Variants in ZNF250 observed in about 807,000 individuals in gnomAD.
ZNF250 encodes zinc finger protein 250.
A neutral mutation model predicts 37.1 loss-of-function variants in ZNF250; 13 were observed. The observed-to-expected ratio is 0.35, with a 90% CI of 0.23 to 0.56. The LOEUF (loss-of-function observed/expected upper bound fraction) is 0.56. ZNF250 is among the 20% of genes least tolerant of loss of function. ZNF250 has a pLI of 0.87. For synonymous variants in ZNF250, 251 were observed against 265.6 expected, an observed-to-expected ratio of 0.94 and a Z score of 0.54; for missense variants, 474 against 697.9, an observed-to-expected ratio of 0.68 and a Z score of 3.61.
At chr8:144,886,334 A>AAC (rs758137665) in intron 5 of ZNF250, among the ~76,000 whole-genome samples, 17 of 151,938 alleles carry the variant, frequency 1.1e-4, no homozygotes, top group African/African-American at 2.9e-4. Flanking sequence ...AAAAAAAGAA[A>AAC]ACACACACAC....
intron 5 of ZNF250, 116 bp downstream of exon 5, chr8:144,886,724 T>C: frequency 1.2e-6 from 1 of 804,752 alleles, no homozygotes; most frequent in Non-Finnish European, 1.9e-6. Flanking sequence ...TTGTAGCAAT[T>C]GTGTGAGTTG....
rs1832369934 is a variant in ZNF250 at position 144,891,946 on chromosome 8, A to G, written c.-54-1543T>C. ...AGGCTAAGGCAGGAGAATCACTTGAACCCAGGATGTGGAGGTTGCAGTGAG... is the reference window on the plus strand; with the variant it reads ...AGGCTAAGGCAGGAGAATCACTTGAGCCCAGGATGTGGAGGTTGCAGTGAG... On this transcript the variant is annotated intron_variant, in intron 1 of 5. Transcript: ENST00000417550. This position sits in a 1 kb window ranked among gnomAD's most constrained non-coding sequence, Gnocchi z 4.0. 6.6e-6 allele frequency among the ~76,000 whole-genome samples: 1 copy of G among 152,168 alleles called. No homozygotes were observed. Among genetic ancestry groups the G allele is most frequent in the South Asian group, 2.1e-4 (1 of 4,830 alleles).
rs1831377349 is a variant in ZNF250, at chr8:144,880,308, A to T, written c.*1207T>A. The T allele has an allele frequency of 2.6e-6, 1 of 387,586 alleles. No individual in the cohort carries two copies. The highest frequency in any genetic ancestry group is 2.1e-5 in the African/African-American group (1 of 48,166). The allele number at this position is 387,586 out of a possible 1,614,324, so 24.0% of individuals were successfully genotyped here. ...ATGTTTTAAATATATCTACCAAAGA[A>T]CAGTATTTTCAGCATTGTTTTGGGG... On this transcript the variant is annotated 3_prime_UTR_variant, in exon 6 of 6. Coordinates refer to ENST00000417550, the MANE Select transcript of ZNF250 (RefSeq NM_001109689.4).
At chr8:144,883,264 G>A (rs1187228170) in intron 5 of ZNF250, among the ~76,000 whole-genome samples, 1 of 152,222 alleles carries the variant, frequency 6.6e-6, no homozygotes, top group Non-Finnish European at 1.5e-5. Flanking sequence ...GCAAGTCGGG[G>A]TGTGCCATCT....
chr8:144,882,242 G>C lies in ZNF250; in HGVS notation c.941C>G (p.Ala314Gly). Reference sequence around the variant, plus strand: ...CCGCAGAACAGTGCTATGGTTGAAGGCTTTCCCACACAACGGACACACATA... The same window carrying C: ...CCGCAGAACAGTGCTATGGTTGAAGCCTTTCCCACACAACGGACACACATA... ...RPYVCPLCGK[A>G]FNHSTVLRSH... is the part of the protein sequence containing the mutation. Residue 314 changes from alanine (A) to glycine (G), a missense_variant, in exon 6 of 6, where the codon GCC (alanine) becomes GGC (glycine). By Grantham distance (60) the Ala-to-Gly change is moderately conservative. Transcript: ENST00000417550. The surrounding 1 kb of genome is among the most constrained non-coding windows in gnomAD (Gnocchi z 5.5). The C allele has an allele frequency of 1.9e-6, 3 of 1,614,112 alleles. No homozygotes were observed. Among genetic ancestry groups the C allele is most frequent in the Non-Finnish European group, 1.7e-6 (2 of 1,179,998 alleles).
rs772771273 is a variant in ZNF250, at chr8:144,882,010, C to G, written c.1173G>C (p.Glu391Asp). The change falls in exon 6 of 6, where the codon GAG (glutamate) becomes GAC (aspartate). Residue 391 changes from glutamate (E) to aspartate (D), a missense_variant. Transcript: ENST00000417550. The surrounding 1 kb of genome is among the most constrained non-coding windows in gnomAD (Gnocchi z 5.5). ...TGAAGGTCTTCCCACACTCACTGCA[C>G]TCATAGGGCTTCTCCCCGGTGTGCA... ...HNVHTGEKPY[E>D]CSECGKTFSH... The G allele has an allele frequency of 6.2e-7, 1 of 1,614,114 alleles. No individual in the cohort carries two copies.
In ZNF250 at chr8:144,890,414, G is replaced by C. The variant is rs1007201279; in HGVS notation, c.-54-11C>G. On this transcript the variant is annotated splice_polypyrimidine_tract_variant and intron_variant, in intron 1 of 5. Coordinates refer to ENST00000417550, the MANE Select transcript of ZNF250 (RefSeq NM_001109689.4). The surrounding 1 kb of genome is among the most constrained non-coding windows in gnomAD (Gnocchi z 5.1). Reference sequence around the variant, plus strand: ...AAGGAGCCTATGGGGCTGAGGAAGAGGAGGGGGCAAGTGAGGGGCATGGCC... The same window carrying C: ...AAGGAGCCTATGGGGCTGAGGAAGACGAGGGGGCAAGTGAGGGGCATGGCC... The C allele has an allele frequency of 2.1e-6, 3 of 1,408,884 alleles. No homozygotes were observed. The highest frequency in any genetic ancestry group is 2.8e-6 in the Non-Finnish European group (3 of 1,073,724). 87.3% of individuals were successfully genotyped at this position (1,408,884 alleles called of 1,614,324 possible).
chr8:144,889,613 T>C lies in ZNF250; in HGVS notation c.251A>G (p.Lys84Arg). ...DPWVLDRKGA[K>R]KSQGLWSDYS... Reference sequence around the variant, plus strand: ...GTCACTCCACAGGCCCTGGCTCTTCTTAGCCCCCTTCCTGTCCAGGACCCA... The same window carrying C: ...GTCACTCCACAGGCCCTGGCTCTTCCTAGCCCCCTTCCTGTCCAGGACCCA... Residue 84 changes from lysine (K) to arginine (R), a missense_variant, in exon 4 of 6, where the codon AAG (lysine) becomes AGG (arginine). Lys to Arg is a conservative substitution (Grantham distance 26, BLOSUM62 2). Around this residue, in one of 2 missense-constraint regions of ZNF250, gnomAD observed 192 missense variants for 227.5 expected, o/e 0.84. Transcript: ENST00000417550. The C allele has an allele frequency of 6.2e-7, 1 of 1,613,982 alleles. No individual in the cohort carries two copies.
At chr8:144,901,771 A>G, upstream of ZNF250, 1 of 152,600 alleles carries the variant, frequency 6.6e-6, no homozygotes, top group Non-Finnish European at 1.5e-5. The surrounding 1 kb of genome is among the most constrained non-coding windows in gnomAD (Gnocchi z 5.4). Flanking sequence ...CCGGTTCCCG[A>G]GCTCCTGCCG....
chr8:144,891,430 A>G lies in ZNF250; in HGVS notation c.-54-1027T>C, dbSNP rs530412688. Among the ~76,000 whole-genome samples the G allele has an allele frequency of 1.7e-4, 26 of 152,270 alleles. No homozygotes were observed. Among genetic ancestry groups the G allele is most frequent in the Admixed American group, 9.2e-4 (14 of 15,280 alleles). On this transcript the variant is annotated intron_variant, in intron 1 of 5. Transcript: ENST00000417550. The surrounding 1 kb of genome is among the most constrained non-coding windows in gnomAD (Gnocchi z 4.0). ...AATCTCAGTGTCTATAAAACATCAG[A>G]TATAGGTGGGCGCGGTGGCTCATAC...
chr8:144,896,382 A>AT (rs35541879), intron 1 of ZNF250, among the ~76,000 whole-genome samples: 55,393 of 151,786 alleles, frequency 0.36, 10,259 homozygotes, highest in South Asian at 0.45. Context: ...ATTAAAAAAA[A>AT]ATATGAACAA....
Position 144,891,689 on chromosome 8 carries a change from C to T in ZNF250, c.-54-1286G>A, listed in dbSNP as rs1330406934. Reference sequence around the variant, plus strand: ...CCAACATGGGGAAACCCCGTCTCTACTAAAAACACAAAATTAGCCGGGTGT... The same window carrying T: ...CCAACATGGGGAAACCCCGTCTCTATTAAAAACACAAAATTAGCCGGGTGT... On this transcript the variant is annotated intron_variant, in intron 1 of 5. Transcript: ENST00000417550. This position sits in a 1 kb window ranked among gnomAD's most constrained non-coding sequence, Gnocchi z 4.0. Among the ~76,000 whole-genome samples the T allele has an allele frequency of 6.6e-6, 1 of 152,160 alleles. No homozygotes were observed. The highest frequency in any genetic ancestry group is 2.4e-5 in the African/African-American group (1 of 41,432).
At position 144,881,901 on chromosome 8, in the gene ZNF250, C is replaced by T. The variant is rs368254797; in HGVS notation, c.1282G>A (p.Val428Ile). Residue 428 changes from valine to isoleucine, a missense_variant, in exon 6 of 6, where the codon GTT (valine) becomes ATT (isoleucine). Physicochemically the swap from Val to Ile is conservative, Grantham distance 29 (BLOSUM62 3). Around this residue, in one of 2 missense-constraint regions of ZNF250, gnomAD observed 282 missense variants for 470.4 expected, o/e 0.60. Transcript: ENST00000417550. ...YACYECGKAF[V>I]QHSHLIQHQR... is the part of the protein sequence containing the mutation. ...TGCTGGATCAGGTGTGAGTGCTGAA[C>T]GAAGGCCTTCCCACATTCGTAGCAT... 2.1e-5 allele frequency: 34 copies of T among 1,612,212 alleles called. No homozygotes were observed. The East Asian group carries it at 4.9e-4, about 23-fold the overall frequency.
intron 1 of ZNF250, among the ~76,000 whole-genome samples, chr8:144,898,086 CAGG>C (rs546776507): frequency 8.3e-4 from 126 of 152,290 alleles, no homozygotes; most frequent in Admixed American, 2.3e-3. Context: ...TCCCAACAGT[CAGG>C]AGTTCAAGAC....
chr8:144,896,466 T>C (rs1201468959), intron 1 of ZNF250, among the ~76,000 whole-genome samples: 4 of 152,188 alleles, frequency 2.6e-5, no homozygotes, highest in African/African-American at 4.8e-5. Context: ...AAGGTTTCAG[T>C]TTCCTGGAAC....
chr8:144,889,741 C>G, intron 3 of ZNF250, 47 bp from the exon 4 acceptor site: 1 of 1,570,110 alleles, frequency 6.4e-7, no homozygotes, highest in Admixed American at 1.7e-5. Flanking sequence ...TTTACAGAGC[C>G]CCCTCCCCCT....
At chr8:144,899,598 A>G (rs1394709435) in intron 1 of ZNF250, among the ~76,000 whole-genome samples, 2 of 152,346 alleles carry the variant, frequency 1.3e-5, no homozygotes, top group African/African-American at 4.8e-5. Context: ...TAAGCAAAAT[A>G]CCAAAAGCAA....
At chr8:144,884,944 A>G (rs975995399) in intron 5 of ZNF250, among the ~76,000 whole-genome samples, 7 of 151,946 alleles carry the variant, frequency 4.6e-5, no homozygotes, top group Non-Finnish European at 1.0e-4. Context: ...CAGTTTTCTT[A>G]TTTATTGGCC....
Position 144,881,457 on chromosome 8 carries a change from G to C in ZNF250, c.*58C>G, listed in dbSNP as rs968022772. On this transcript the variant is annotated 3_prime_UTR_variant, in exon 6 of 6. Transcript: ENST00000417550. ...AACAGAGACTTCTCTTGGGCTGAAGGCTGCTTGTGGTTCCACATGCAGTTT... is the reference window on the plus strand; with the variant it reads ...AACAGAGACTTCTCTTGGGCTGAAGCCTGCTTGTGGTTCCACATGCAGTTT... The C allele has an allele frequency of 1.3e-6, 2 of 1,520,862 alleles. No individual in the cohort carries two copies. Among genetic ancestry groups the C allele is most frequent in the Non-Finnish European group, 1.8e-6 (2 of 1,133,862 alleles). The allele number at this position is 1,520,862 out of a possible 1,614,324, so 94.2% of individuals were successfully genotyped here. A position where few individuals can be genotyped will look rare whatever the true frequency, so the allele number is the denominator to read the frequency against.
Sources: allele counts gnomAD v4.1 joint callset (sites outside exome capture counted in the v4.1 genomes callset), GRCh38; gene constraint gnomAD v4.1.1; regional missense constraint gnomAD v4.1.1; non-coding constraint Gnocchi (gnomAD v3.1); transcripts MANE v1.5; gene names NCBI Gene and HGNC (gene_info 2026-07-23, HGNC 2026-07-21).